The following MTBP variants were observed in gnomAD, a reference collection of about 807,000 sequenced individuals.
MTBP encodes MDM2 binding protein, also known as mdm2-binding protein.
In MTBP, 101 loss-of-function variants were observed where a neutral mutation model predicts 117.0. That is an observed-to-expected ratio of 0.86 (90% CI 0.73 to 1.02). The LOEUF (loss-of-function observed/expected upper bound fraction) is 1.02. MTBP is among the 50% of genes least tolerant of loss of function. The pLI is 0.00. For missense variants in MTBP, 970 were observed against 1,030.9 expected, an observed-to-expected ratio of 0.94 and a Z score of 0.81; for synonymous variants, 350 against 351.5, an observed-to-expected ratio of 1.00 and a Z score of 0.05.
chr8:120,508,036 G>A (rs1814725814), intron 16 of MTBP, among the ~76,000 whole-genome samples: 1 of 152,094 alleles, frequency 6.6e-6, no homozygotes, highest in African/African-American at 2.4e-5. Context: ...GTTCTTTCTG[G>A]AAACTAATTG....
At chr8:120,506,607 C>T in intron 15 of MTBP, 99 bp from the exon 16 acceptor site, 1 of 911,068 alleles carries the variant, frequency 1.1e-6, no homozygotes, top group Non-Finnish European at 1.6e-6. Context: ...TTTCTGCTCA[C>T]ATCTTCTTTT....
At chr8:120,516,877 CT>C (rs1005605598) in intron 18 of MTBP, among the ~76,000 whole-genome samples, 45 of 151,816 alleles carry the variant, frequency 3.0e-4, no homozygotes, top group African/African-American at 1.0e-3. Context: ...ACTTTCAGAT[CT>C]TTTTTTGAAT....
At chr8:120,459,798 T>G (rs1225585839) in intron 8 of MTBP, among the ~76,000 whole-genome samples, 1 of 152,142 alleles carries the variant, frequency 6.6e-6, no homozygotes, top group Non-Finnish European at 1.5e-5. Context: ...TACAAAGTTA[T>G]GAGGATTAAA....
chr8:120,471,754 G>A (rs1213240197), intron 11 of MTBP: 1 of 152,112 alleles, frequency 6.6e-6, no homozygotes, highest in African/African-American at 2.4e-5. Flanking sequence ...TTAGAGAAGT[G>A]ACAGAGCTGT....
chr8:120,480,373 G>A (rs1586953601), intron 11 of MTBP, among the ~76,000 whole-genome samples: 1 of 152,156 alleles, frequency 6.6e-6, no homozygotes, highest in East Asian at 1.9e-4. Flanking sequence ...TCACGCCACT[G>A]CACTCCAGCC....
intron 15 of MTBP, among the ~76,000 whole-genome samples, chr8:120,503,445 G>A (rs1013151163): frequency 1.3e-5 from 2 of 152,124 alleles, no homozygotes; most frequent in African/African-American, 4.8e-5. Flanking sequence ...AATTTTATTT[G>A]TTGTGGGGAG....
intron 11 of MTBP, among the ~76,000 whole-genome samples, chr8:120,475,849 G>T (rs1478027943): frequency 1.3e-5 from 2 of 151,970 alleles, no homozygotes; most frequent in African/African-American, 2.4e-5. Flanking sequence ...TTATGAAATT[G>T]TCAAAAAATT....
intron 17 of MTBP, among the ~76,000 whole-genome samples, chr8:120,514,463 G>C (rs1814879461): frequency 6.6e-6 from 1 of 151,990 alleles, no homozygotes; most frequent in Non-Finnish European, 1.5e-5. Context: ...AACTGTCAAA[G>C]ACAGAGTATT....
At chr8:120,494,552 T>C (rs569270592) in intron 13 of MTBP, among the ~76,000 whole-genome samples, 2 of 152,300 alleles carry the variant, frequency 1.3e-5, no homozygotes, top group South Asian at 2.1e-4. Flanking sequence ...AATGTACGTA[T>C]GCTGCTATTT....
intron 11 of MTBP, among the ~76,000 whole-genome samples, chr8:120,487,920 G>C (rs1232113352): frequency 1.3e-5 from 2 of 152,200 alleles, no homozygotes; most frequent in African/African-American, 4.8e-5. Context: ...CATATCAAAA[G>C]TTAAAGAATG....
intron 11 of MTBP, among the ~76,000 whole-genome samples, chr8:120,481,264 A>C (rs1036087178): frequency 1.3e-5 from 2 of 152,194 alleles, no homozygotes; most frequent in African/African-American, 4.8e-5. Context: ...AGTAAGGAAA[A>C]CAGTTTGACA....
At chr8:120,477,642 A>C (rs541881698) in intron 11 of MTBP, among the ~76,000 whole-genome samples, 1 of 152,154 alleles carries the variant, frequency 6.6e-6, no homozygotes, top group Admixed American at 6.5e-5. Flanking sequence ...GCCAATAAAC[A>C]TATGAAAAAA....
intron 15 of MTBP, 47 bp downstream of exon 15, chr8:120,502,656 A>C: frequency 8.4e-7 from 1 of 1,183,492 alleles, no homozygotes; most frequent in Non-Finnish European, 1.2e-6. Flanking sequence ...CAGTAATTTG[A>C]ATGAATTTTT....
chr8:120,484,186 C>G (rs1814160260), intron 11 of MTBP, among the ~76,000 whole-genome samples: 1 of 152,060 alleles, frequency 6.6e-6, no homozygotes, highest in African/African-American at 2.4e-5. Flanking sequence ...GTTGAATCAG[C>G]AAGCAGCTAA....
intron 17 of MTBP, among the ~76,000 whole-genome samples, chr8:120,514,816 C>G (rs1205073718): frequency 6.6e-6 from 1 of 152,008 alleles, no homozygotes; most frequent in Non-Finnish European, 1.5e-5. Context: ...AAGAAATTAT[C>G]ACAATAGCTT....
intron 10 of MTBP, among the ~76,000 whole-genome samples, chr8:120,468,882 C>A (rs1427646771): frequency 6.6e-6 from 1 of 151,996 alleles, no homozygotes; most frequent in Non-Finnish European, 1.5e-5. Context: ...TCGGTCCAAC[C>A]ACCAGGCTAG....
At position 120,509,918 on chromosome 8, in the gene MTBP, A is replaced by C; in HGVS notation, c.1884-16A>C. The C allele has an allele frequency of 6.3e-7, 1 of 1,583,408 alleles. No individual in the cohort carries two copies. The highest frequency in any genetic ancestry group is 8.6e-7 in the Non-Finnish European group (1 of 1,160,684). On this transcript the variant is annotated splice_polypyrimidine_tract_variant and intron_variant, in intron 16 of 21. Transcript: ENST00000305949. Reference sequence around the variant, plus strand: ...TAAATAAACTTTGAATACAAATGAAAAATTTTTTGTTTCAGGGAAAAGACT... The same window carrying C: ...TAAATAAACTTTGAATACAAATGAACAATTTTTTGTTTCAGGGAAAAGACT...
intron 11 of MTBP, among the ~76,000 whole-genome samples, chr8:120,485,670 T>A (rs1041178255): frequency 9.8e-5 from 15 of 152,364 alleles, no homozygotes; most frequent in African/African-American, 3.6e-4. Context: ...CTGTAGGTAT[T>A]ACACATTCCT....
At chr8:120,494,782 CT>C (rs1814416517) in intron 13 of MTBP, among the ~76,000 whole-genome samples, 1 of 152,058 alleles carries the variant, frequency 6.6e-6, no homozygotes, top group Non-Finnish European at 1.5e-5. Flanking sequence ...TTATATAATT[CT>C]TTGTTTCTCT....
Sources: allele counts gnomAD v4.1 joint callset (sites outside exome capture counted in the v4.1 genomes callset), GRCh38; gene constraint gnomAD v4.1.1; transcripts MANE v1.5; gene names NCBI Gene and HGNC (gene_info 2026-07-23, HGNC 2026-07-21).